The following DYNC1I1 variants were observed in gnomAD, a reference collection of about 807,000 sequenced individuals.
DYNC1I1 encodes the protein dynein cytoplasmic 1 intermediate chain 1.
A neutral mutation model predicts 86.6 loss-of-function variants in DYNC1I1; 43 were observed. The observed-to-expected ratio is 0.50, with a 90% confidence interval of 0.39 to 0.64. DYNC1I1 has a LOEUF of 0.64. Ranked by LOEUF, DYNC1I1 falls within the 30% of genes least tolerant of loss-of-function variation. DYNC1I1 has a pLI of 0.00. For missense variants in DYNC1I1, 604 were observed against 788.8 expected, an observed-to-expected ratio of 0.77 and a Z score of 2.81; for synonymous variants, 262 against 283.7, an observed-to-expected ratio of 0.92 and a Z score of 0.77.
chr7:96,000,773 G>A (rs961848325), intron 10 of DYNC1I1, among the ~76,000 whole-genome samples: 7 of 152,174 alleles, frequency 4.6e-5, no homozygotes, highest in Admixed American at 3.3e-4. Flanking sequence ...AGAAGCAGAA[G>A]TGATCACTGG....
At chr7:95,784,147 A>G (rs1584218065) in intron 1 of DYNC1I1, among the ~76,000 whole-genome samples, 1 of 152,140 alleles carries the variant, frequency 6.6e-6, no homozygotes, top group African/African-American at 2.4e-5. Flanking sequence ...ATGTTCAGTC[A>G]GTATTTTCCC....
intron 11 of DYNC1I1, among the ~76,000 whole-genome samples, 189 bp downstream of exon 11, chr7:96,028,510 CTT>C (rs1425090839): frequency 6.6e-6 from 1 of 152,126 alleles, no homozygotes; most frequent in Non-Finnish European, 1.5e-5. Flanking sequence ...AGGGATGTCT[CTT>C]AATAACCTAC....
intron 1 of DYNC1I1, among the ~76,000 whole-genome samples, chr7:95,802,119 C>A (rs529872403): frequency 1.3e-5 from 2 of 152,086 alleles, no homozygotes; most frequent in Non-Finnish European, 2.9e-5. Flanking sequence ...CTTCTCCCCC[C>A]ATCTGTAGTG....
chr7:96,023,050 T>C (rs1207591214), intron 10 of DYNC1I1, among the ~76,000 whole-genome samples: 1 of 152,106 alleles, frequency 6.6e-6, no homozygotes, highest in African/African-American at 2.4e-5. Flanking sequence ...CTTCTCCAAA[T>C]ACACTTTTCC....
At chr7:95,793,071 T>C (rs1026270971) in intron 1 of DYNC1I1, among the ~76,000 whole-genome samples, 2 of 151,914 alleles carry the variant, frequency 1.3e-5, no homozygotes, top group African/African-American at 4.8e-5. Context: ...TACCATCAGA[T>C]TTGGTGATAG....
At chr7:95,842,894 T>A (rs2116023753) in intron 5 of DYNC1I1, among the ~76,000 whole-genome samples, 1 of 152,334 alleles carries the variant, frequency 6.6e-6, no homozygotes, top group East Asian at 1.9e-4. Context: ...TTGTGAATTT[T>A]TTTTTTTAGG....
chr7:95,776,046 G>A (rs1584208599), intron 1 of DYNC1I1, among the ~76,000 whole-genome samples: 1 of 152,256 alleles, frequency 6.6e-6, no homozygotes, highest in Admixed American at 6.5e-5. Context: ...AGGAGTTAGA[G>A]ACCAGGCTGG....
chr7:95,874,306 G>A (rs556796011), intron 6 of DYNC1I1, among the ~76,000 whole-genome samples: 5 of 152,184 alleles, frequency 3.3e-5, no homozygotes, highest in South Asian at 2.1e-4. Flanking sequence ...AGCTTCCCAC[G>A]TGACTATCTC....
chr7:96,088,011 A>T (rs1790732877), intron 16 of DYNC1I1, among the ~76,000 whole-genome samples: 1 of 152,172 alleles, frequency 6.6e-6, no homozygotes, highest in Admixed American at 6.6e-5. Flanking sequence ...TAAAAAAGAA[A>T]AGGCGCAATT....
chr7:96,006,647 C>G (rs146104793), intron 10 of DYNC1I1, among the ~76,000 whole-genome samples: 1,924 of 152,284 alleles, frequency 0.013, 47 homozygotes, highest in African/African-American at 0.043. Flanking sequence ...AAGGCCAATT[C>G]TCAAATCAGA....
chr7:95,909,086 G>T (rs1791252291), intron 6 of DYNC1I1, among the ~76,000 whole-genome samples: 2 of 150,340 alleles, frequency 1.3e-5, no homozygotes, highest in African/African-American at 4.9e-5. Context: ...AAATACCAAA[G>T]AGAGACTTGG....
At chr7:96,021,826 C>T (rs1293655390) in intron 10 of DYNC1I1, among the ~76,000 whole-genome samples, 1 of 152,142 alleles carries the variant, frequency 6.6e-6, no homozygotes, top group Non-Finnish European at 1.5e-5. Context: ...CATGCTATAC[C>T]ATGCATCAGT....
intron 6 of DYNC1I1, among the ~76,000 whole-genome samples, chr7:95,878,475 C>T (rs923481281): frequency 6.6e-6 from 1 of 151,806 alleles, no homozygotes; most frequent in Non-Finnish European, 1.5e-5. Context: ...AAACATTGAA[C>T]TAATAGAAGA....
intron 5 of DYNC1I1, among the ~76,000 whole-genome samples, chr7:95,861,759 T>C (rs903948307): frequency 1.3e-5 from 2 of 152,218 alleles, no homozygotes; most frequent in African/African-American, 2.4e-5. Context: ...GTGACGCTCT[T>C]GCTAGTGGTG....
chr7:95,994,522 T>C (rs1034123651), intron 9 of DYNC1I1, among the ~76,000 whole-genome samples: 1 of 151,932 alleles, frequency 6.6e-6, no homozygotes, highest in Non-Finnish European at 1.5e-5. Flanking sequence ...CCAGTGAGAG[T>C]GAGTATGAGA....
chr7:95,958,826 T>C (rs1038252735), intron 6 of DYNC1I1, among the ~76,000 whole-genome samples: 3 of 152,200 alleles, frequency 2.0e-5, no homozygotes, highest in East Asian at 3.9e-4. Flanking sequence ...GTTAATTCCA[T>C]GTGCAGAAAT....
chr7:95,832,031 A>G (rs1341953690), intron 5 of DYNC1I1, among the ~76,000 whole-genome samples: 1 of 150,430 alleles, frequency 6.6e-6, no homozygotes, highest in Non-Finnish European at 1.5e-5. Flanking sequence ...GGTTAGTTAC[A>G]TATGTATACA....
chr7:96,028,971 C>T (rs1033072838), intron 11 of DYNC1I1, among the ~76,000 whole-genome samples: 1 of 152,150 alleles, frequency 6.6e-6, no homozygotes, highest in African/African-American at 2.4e-5. Flanking sequence ...AGAAGACAGG[C>T]GTGTCTCCAT....
chr7:95,861,428 C>T (rs6974745), intron 5 of DYNC1I1, among the ~76,000 whole-genome samples: 7,330 of 152,244 alleles, frequency 0.048, 272 homozygotes, highest in Non-Finnish European at 0.072. Context: ...GCTTTACCTT[C>T]CAATATTTGT....
Sources: allele counts gnomAD v4.1 joint callset (sites outside exome capture counted in the v4.1 genomes callset), GRCh38; gene constraint gnomAD v4.1.1; transcripts MANE v1.5; gene names NCBI Gene and HGNC (gene_info 2026-07-23, HGNC 2026-07-21).